Variants in LHFPL5 observed in about 807,000 individuals in gnomAD.
The protein encoded by LHFPL5 is LHFPL tetraspan subfamily member 5 protein.
LHFPL5 carries 12 observed loss-of-function variants against 18.7 expected under a neutral mutation model. The observed-to-expected ratio is 0.64, with a 90% CI of 0.41 to 1.04. The LOEUF (loss-of-function observed/expected upper bound fraction) is 1.04. LHFPL5 is among the 50% of genes least tolerant of loss of function. The probability of loss-of-function intolerance (pLI) is 0.00; values close to 1 mark genes in which losing one functional copy is unlikely to be tolerated. For missense variants in LHFPL5, 259 were observed against 292.1 expected, an observed-to-expected ratio of 0.89 and a Z score of 0.83; for synonymous variants, 111 against 120.2, an observed-to-expected ratio of 0.92 and a Z score of 0.50.
At position 35,814,337 on chromosome 6, in the gene LHFPL5, G is replaced by C. The variant is rs775116619; in HGVS notation, c.413-209G>C. Among the ~76,000 whole-genome samples, 83 of 152,182 alleles carry C rather than the reference G, an allele frequency of 5.5e-4. 2 individuals are homozygous for C. Among genetic ancestry groups the C allele is most frequent in the Non-Finnish European group, 2.1e-4 (14 of 68,024 alleles). Reference sequence around the variant, plus strand: ...GCTCTGCCTCCGCCCCAACTACTGGGTCTCGGGGGCCAGTTGCTTTAACTC... The same window carrying C: ...GCTCTGCCTCCGCCCCAACTACTGGCTCTCGGGGGCCAGTTGCTTTAACTC... On this transcript the variant is annotated intron_variant, in intron 1 of 3. Coordinates refer to ENST00000360215, the MANE Select transcript of LHFPL5 (RefSeq NM_182548.4). The surrounding 1 kb of genome is among the most constrained non-coding windows in gnomAD (Gnocchi z 4.2).
At chr6:35,806,244 T>A (rs566257448) in intron 1 of LHFPL5, among the ~76,000 whole-genome samples, 162 bp downstream of exon 1, 1 of 152,274 alleles carries the variant, frequency 6.6e-6, no homozygotes, top group South Asian at 2.1e-4. Context: ...GAGTTGAGAA[T>A]CTTAAAATGG....
At chr6:35,812,309 G>T (rs1208293182) in intron 1 of LHFPL5, among the ~76,000 whole-genome samples, 1 of 152,194 alleles carries the variant, frequency 6.6e-6, no homozygotes, top group Non-Finnish European at 1.5e-5. Flanking sequence ...GGCCTGAAGA[G>T]GTGCTTTTCT....
intron 1 of LHFPL5, among the ~76,000 whole-genome samples, chr6:35,807,725 A>G (rs1287660163): frequency 6.6e-6 from 1 of 152,148 alleles, no homozygotes; most frequent in Non-Finnish European, 1.5e-5. Context: ...GAGAGAAAGG[A>G]CCAGACTTGG....
chr6:35,816,666 G>T (rs1490960161), intron 2 of LHFPL5, among the ~76,000 whole-genome samples: 1 of 152,004 alleles, frequency 6.6e-6, no homozygotes, highest in Non-Finnish European at 1.5e-5. Context: ...ACAAAAATTA[G>T]CTAGGCTTGG....
chr6:35,806,316 C>T (rs1393164673), intron 1 of LHFPL5, among the ~76,000 whole-genome samples: 1 of 152,064 alleles, frequency 6.6e-6, no homozygotes, highest in African/African-American at 2.4e-5. Context: ...AGATGAGGTT[C>T]TGAGCCCAGA....
At chr6:35,810,687 C>T (rs1768650480) in intron 1 of LHFPL5, among the ~76,000 whole-genome samples, 1 of 152,032 alleles carries the variant, frequency 6.6e-6, no homozygotes. Context: ...ATTAGCTGGG[C>T]TTGGTGGCGG....
At chr6:35,809,521 G>C (rs546452255) in intron 1 of LHFPL5, among the ~76,000 whole-genome samples, 25 of 152,172 alleles carry the variant, frequency 1.6e-4, no homozygotes, top group Admixed American at 5.9e-4. Context: ...ATTGAGTCAA[G>C]GTCTCAAAAA....
At chr6:35,812,028 G>C (rs149448130) in intron 1 of LHFPL5, among the ~76,000 whole-genome samples, 3 of 152,174 alleles carry the variant, frequency 2.0e-5, no homozygotes, top group Non-Finnish European at 4.4e-5. Flanking sequence ...TAAGTCACTT[G>C]GTTTCTTTGA....
intron 1 of LHFPL5, among the ~76,000 whole-genome samples, chr6:35,812,326 C>T (rs1223560684): frequency 6.6e-6 from 1 of 152,160 alleles, no homozygotes; most frequent in East Asian, 1.9e-4. Flanking sequence ...TTCTGAGGGT[C>T]TCCTGAGTAG....
Position 35,823,177 on chromosome 6 carries a change from C to G in LHFPL5, c.*212C>G, listed in dbSNP as rs1487341329. The G allele has an allele frequency of 6.6e-6, 1 of 152,148 alleles. No homozygotes were observed. Among genetic ancestry groups the G allele is most frequent in the Non-Finnish European group, 1.5e-5 (1 of 68,054 alleles). 9.4% of individuals were successfully genotyped at this position (152,148 alleles called of 1,614,324 possible). On this transcript the variant is annotated 3_prime_UTR_variant, in exon 4 of 4. Transcript: ENST00000360215. ...TTCTGGGGAAGCAGAACTGCAGTGA[C>G]CCACTTCAAAGATATTCAGAGGCTG...
Position 35,805,814 on chromosome 6 carries a change from C to T in LHFPL5, c.144C>T (p.Tyr48=), listed in dbSNP as rs1581967353. The change falls in exon 1 of 4, where the codon TAC becomes TAT. Residue 48 remains tyrosine, a synonymous_variant. Coordinates refer to ENST00000360215, the MANE Select transcript of LHFPL5 (RefSeq NM_182548.4). The surrounding 1 kb of genome is among the most constrained non-coding windows in gnomAD (Gnocchi z 4.3). ...VLVMALFIQP[Y]WIGDSVNTPQ... The stretch of plus-strand genomic sequence containing the variant: ...TCATGGCCCTCTTCATCCAGCCCTA[C>T]TGGATCGGCGACAGCGTCAACACAC... 5 of 1,614,256 alleles carry T rather than the reference C, an allele frequency of 3.1e-6. No individual in the cohort carries two copies. The highest frequency in any genetic ancestry group is 1.7e-6 in the Non-Finnish European group (2 of 1,180,046).
chr6:35,818,348 T>TATAC (rs1491530911), intron 2 of LHFPL5, among the ~76,000 whole-genome samples: 1 of 5,614 alleles, frequency 1.8e-4, no homozygotes, highest in African/African-American at 4.1e-4. Flanking sequence ...TATATATATA[T>TATAC]GTATTTTTTT....
Position 35,814,555 on chromosome 6 carries a change from T to A in LHFPL5, c.422T>A (p.Leu141Gln). Residue 141 changes from leucine to glutamine, a missense_variant, in exon 2 of 4, where the codon CTA (leucine) becomes CAA (glutamine). Physicochemically the swap from Leu to Gln is moderately radical, Grantham distance 113. Transcript: ENST00000360215. This position sits in a 1 kb window ranked among gnomAD's most constrained non-coding sequence, Gnocchi z 4.2. ...AWMQLAAATG[L>Q]MIGCLVYPDG... is the part of the protein sequence containing the mutation. ...CCTCCTTCCCCCTCAGCCACAGGCC[T>A]AATGATTGGCTGCCTGGTCTACCCT... 6.2e-7 allele frequency: 1 copy of A among 1,613,954 alleles called. No homozygotes were observed. Among genetic ancestry groups the A allele is most frequent in the Non-Finnish European group, 8.5e-7 (1 of 1,179,818 alleles).
chr6:35,818,865 G>A (rs2817028), intron 2 of LHFPL5, among the ~76,000 whole-genome samples: 2,832 of 147,822 alleles, frequency 0.019, 79 homozygotes, highest in African/African-American at 0.064. Context: ...GTCTTGCCCC[G>A]TCATCACCCG....
At chr6:35,808,605 A>ATATG (rs1768614886) in intron 1 of LHFPL5, among the ~76,000 whole-genome samples, 6 of 120,548 alleles carry the variant, frequency 5.0e-5, no homozygotes, top group Non-Finnish European at 1.0e-4. Context: ...ATATATATAT[A>ATATG]TGAACAAAGG....
At chr6:35,807,723 G>A (rs1012813900) in intron 1 of LHFPL5, among the ~76,000 whole-genome samples, 1 of 152,084 alleles carries the variant, frequency 6.6e-6, no homozygotes, top group Non-Finnish European at 1.5e-5. Flanking sequence ...CTGAGAGAAA[G>A]GACCAGACTT....
At chr6:35,816,345 C>CA (rs761580974) in intron 2 of LHFPL5, among the ~76,000 whole-genome samples, 33,357 of 77,024 alleles carry the variant, frequency 0.43, 5,845 homozygotes, top group South Asian at 0.52. Flanking sequence ...GACTCCGTCT[C>CA]AAAAAAAAAA....
chr6:35,818,437 C>T (rs1392562202), intron 2 of LHFPL5, among the ~76,000 whole-genome samples: 1 of 144,546 alleles, frequency 6.9e-6, no homozygotes, highest in East Asian at 2.0e-4. Flanking sequence ...CAGCTCACTG[C>T]AACCTTCACC....
Position 35,806,091 on chromosome 6 carries a change from A to C in LHFPL5, c.412+9A>C. ...GATGCAGCTGGCTGCGGGTAAGCAGAGATGGTGGGAGGGCAGGCAGGGGCC... is the reference window on the plus strand; with the variant it reads ...GATGCAGCTGGCTGCGGGTAAGCAGCGATGGTGGGAGGGCAGGCAGGGGCC... On this transcript the variant is annotated intron_variant, in intron 1 of 3. Coordinates refer to ENST00000360215, the MANE Select transcript of LHFPL5 (RefSeq NM_182548.4). The C allele has an allele frequency of 1.2e-6, 2 of 1,613,304 alleles. No individual in the cohort carries two copies. The highest frequency in any genetic ancestry group is 1.7e-6 in the Non-Finnish European group (2 of 1,179,892).
Sources: gnomAD v4.1 joint callset for allele counts (sites outside exome capture counted in the v4.1 genomes callset) on GRCh38, gnomAD v4.1.1 for gene constraint, Gnocchi (gnomAD v3.1) non-coding constraint, MANE v1.5 for transcripts, NCBI Gene and HGNC (gene_info 2026-07-23, HGNC 2026-07-21) for gene names.